SH3PXD2A: variants seen among roughly 807,000 people sequenced by gnomAD.
SH3PXD2A encodes SH3 and PX domains 2A.
In SH3PXD2A, 32 loss-of-function variants were observed where a neutral mutation model predicts 115.2. That is an observed-to-expected ratio of 0.28 (90% CI 0.21 to 0.37). The LOEUF (loss-of-function observed/expected upper bound fraction) is 0.37. Ranked by LOEUF, SH3PXD2A falls within the 10% of genes least tolerant of loss-of-function variation. SH3PXD2A has a pLI of 1.00. For synonymous variants in SH3PXD2A, 610 were observed against 629.1 expected (o/e 0.97, Z 0.45); for missense variants, 1,328 against 1,498.7 (o/e 0.89, Z 1.88).
At chr10:103,655,173 C>G (rs2134033947) in intron 8 of SH3PXD2A, among the ~76,000 whole-genome samples, 1 of 152,354 alleles carries the variant, frequency 6.6e-6, no homozygotes, top group East Asian at 1.9e-4. Flanking sequence ...ACAAGGCTTT[C>G]TGATGGCTGG....
At chr10:103,814,099 G>A (rs566859246) in intron 1 of SH3PXD2A, among the ~76,000 whole-genome samples, 1 of 151,830 alleles carries the variant, frequency 6.6e-6, no homozygotes, top group South Asian at 2.1e-4. Flanking sequence ...CTGCCTTTAA[G>A]ATATCTAGTT....
intron 8 of SH3PXD2A, among the ~76,000 whole-genome samples, chr10:103,654,448 C>T (rs2037178642): frequency 6.6e-6 from 1 of 152,142 alleles, no homozygotes; most frequent in Non-Finnish European, 1.5e-5. Context: ...AGAAACTGGC[C>T]CCCTGCAGGT....
In SH3PXD2A at chr10:103,836,945, CACTT is replaced by C. The variant is rs142749165; in HGVS notation, c.72+18246_72+18249del. On this transcript the variant is annotated intron_variant, in intron 1 of 14. Coordinates refer to ENST00000369774, the MANE Select transcript of SH3PXD2A (RefSeq NM_001394015.1). ...GGCAGCCCCTCTCCGTTTCCTTAGA[CACTT>C]ACTGATGCTGCTCCTCCCAGCCTGA... is the stretch of plus-strand genomic sequence containing the variant. Among the ~76,000 whole-genome samples, 284 of 152,304 alleles carry C rather than the reference CACTT, an allele frequency of 1.9e-3. 1 individual carries two copies. Among genetic ancestry groups the C allele is most frequent in the African/African-American group, 6.6e-3 (276 of 41,558 alleles).
At chr10:103,765,702 T>C (rs1282152823) in intron 3 of SH3PXD2A, among the ~76,000 whole-genome samples, 1 of 152,232 alleles carries the variant, frequency 6.6e-6, no homozygotes, top group Non-Finnish European at 1.5e-5. Flanking sequence ...CTAGGACTCT[T>C]GTGCCCACAG....
intron 1 of SH3PXD2A, among the ~76,000 whole-genome samples, chr10:103,810,655 G>A (rs1014309441): frequency 6.6e-6 from 1 of 152,052 alleles, no homozygotes; most frequent in African/African-American, 2.4e-5. Flanking sequence ...TACCCATGGG[G>A]CACCGAGCAC....
At chr10:103,604,790 G>A (rs2036275509) in intron 14 of SH3PXD2A, among the ~76,000 whole-genome samples, 2 of 152,188 alleles carry the variant, frequency 1.3e-5, no homozygotes, top group Non-Finnish European at 2.9e-5. Flanking sequence ...AGCACAGGTG[G>A]CTCCTGAGCC....
intron 1 of SH3PXD2A, among the ~76,000 whole-genome samples, chr10:103,830,879 T>A (rs996573874): frequency 1.3e-5 from 2 of 150,910 alleles, no homozygotes; most frequent in Non-Finnish European, 2.9e-5. Context: ...GGATTAGGGC[T>A]AAAAGAAAAA....
intron 8 of SH3PXD2A, among the ~76,000 whole-genome samples, chr10:103,659,427 T>A (rs2037259239): frequency 6.6e-6 from 1 of 152,102 alleles, no homozygotes; most frequent in African/African-American, 2.4e-5. Flanking sequence ...AACAAACATC[T>A]CCCTCGCCTG....
At chr10:103,633,452 G>T (rs1159709412) in intron 8 of SH3PXD2A, among the ~76,000 whole-genome samples, 1 of 151,846 alleles carries the variant, frequency 6.6e-6, no homozygotes, top group Non-Finnish European at 1.5e-5. Flanking sequence ...GCTGGGCGTG[G>T]TGGCTCACGG....
Position 103,770,202 on chromosome 10 carries a change from TC to T in SH3PXD2A, c.154-3034del, listed in dbSNP as rs144998583. On this transcript the variant is annotated intron_variant, in intron 2 of 14. Transcript: ENST00000369774. ...CATTTTTCCATGTCAATGAATACTT[TC>T]ATATCAATGTTCTTTTTTCTTAAGA... is the stretch of plus-strand genomic sequence containing the variant. Among the ~76,000 whole-genome samples the T allele has an allele frequency of 1.8e-3, 270 of 152,334 alleles. 1 individual carries two copies. Among genetic ancestry groups the T allele is most frequent in the African/African-American group, 6.0e-3 (249 of 41,576 alleles).
chr10:103,720,537 G>A (rs935470441), intron 5 of SH3PXD2A, among the ~76,000 whole-genome samples: 6 of 152,180 alleles, frequency 3.9e-5, no homozygotes, highest in African/African-American at 1.4e-4. Context: ...CAGCCCCCAT[G>A]AATTCTCAAT....
At chr10:103,633,782 A>T (rs2036824107) in intron 8 of SH3PXD2A, among the ~76,000 whole-genome samples, 1 of 146,700 alleles carries the variant, frequency 6.8e-6, no homozygotes, top group South Asian at 2.3e-4. Flanking sequence ...TTGACGGCAC[A>T]GCGGGAGAAT....
chr10:103,814,660 T>C (rs1037046721), intron 1 of SH3PXD2A, among the ~76,000 whole-genome samples: 1 of 152,196 alleles, frequency 6.6e-6, no homozygotes, highest in East Asian at 1.9e-4. Context: ...CCAGAGACAC[T>C]TACAAAGTCT....
chr10:103,783,795 T>G (rs967914028), intron 2 of SH3PXD2A, among the ~76,000 whole-genome samples: 1 of 152,142 alleles, frequency 6.6e-6, no homozygotes, highest in Non-Finnish European at 1.5e-5. Flanking sequence ...GGAGCCCAGA[T>G]GGAAAAAGAG....
Position 103,792,083 on chromosome 10 carries a change from G to A in SH3PXD2A, c.153+9199C>T, listed in dbSNP as rs747261057. Among the ~76,000 whole-genome samples, 38 of 152,304 alleles carry A rather than the reference G, an allele frequency of 2.5e-4. 1 individual carries two copies. The highest frequency in any genetic ancestry group is 4.0e-4 in the Non-Finnish European group (27 of 68,036). ...AGCCCAGCCAGCTCCCAGGTGGAGC[G>A]GAGCCAGCCAGGGAATCCCCAAGAG... is the stretch of plus-strand genomic sequence containing the variant. On this transcript the variant is annotated intron_variant, in intron 2 of 14. Transcript: ENST00000369774.
chr10:103,617,473 CCA>C (rs1364033735), intron 10 of SH3PXD2A, among the ~76,000 whole-genome samples, 159 bp from the exon 11 acceptor site: 3 of 152,300 alleles, frequency 2.0e-5, no homozygotes, highest in Non-Finnish European at 4.4e-5. Context: ...GGACCAGGCC[CCA>C]GAGGTGGCAG....
chr10:103,835,629 A>AG (rs890427159), intron 1 of SH3PXD2A, among the ~76,000 whole-genome samples: 1 of 152,150 alleles, frequency 6.6e-6, no homozygotes, highest in Non-Finnish European at 1.5e-5. Context: ...CTGGAGGCCC[A>AG]GGGGGGTGAA....
chr10:103,791,849 C>T (rs1166931986), intron 2 of SH3PXD2A, among the ~76,000 whole-genome samples: 3 of 152,104 alleles, frequency 2.0e-5, no homozygotes, highest in Admixed American at 2.0e-4. Flanking sequence ...TCCAGCCGGA[C>T]CCAGGTAACC....
chr10:103,815,091 G>A (rs1564896075), intron 1 of SH3PXD2A, among the ~76,000 whole-genome samples: 1 of 152,130 alleles, frequency 6.6e-6, no homozygotes, highest in African/African-American at 2.4e-5. Context: ...ATGCGAGAGA[G>A]AAAACTATTA....
Sources: allele counts gnomAD v4.1 joint callset (sites outside exome capture counted in the v4.1 genomes callset), GRCh38; gene constraint gnomAD v4.1.1; transcripts MANE v1.5; gene names NCBI Gene and HGNC (gene_info 2026-07-23, HGNC 2026-07-21).